Variants in DOCK4 observed in about 807,000 individuals in gnomAD.
DOCK4 encodes dedicator of cytokinesis 4.
DOCK4 carries 97 observed loss-of-function variants against 268.1 expected under a neutral mutation model. The ratio of observed to expected loss-of-function variants is 0.36; its 90% CI spans 0.31 to 0.43. The LOEUF (loss-of-function observed/expected upper bound fraction) is 0.43. Ranked by LOEUF, DOCK4 falls within the 20% of genes least tolerant of loss-of-function variation. DOCK4 has a pLI of 1.00. For synonymous variants in DOCK4, 954 were observed against 887.2 expected (o/e 1.08, Z -1.34); for missense variants, 2,145 against 2,455.7 (o/e 0.87, Z 2.67).
intron 1 of DOCK4, among the ~76,000 whole-genome samples, chr7:112,065,870 T>C (rs1806880237): frequency 6.6e-6 from 1 of 152,178 alleles, no homozygotes; most frequent in African/African-American, 2.4e-5. Flanking sequence ...CACCATTTGA[T>C]GTAATGCCAG....
chr7:111,960,924 A>T (rs1276625530), intron 8 of DOCK4, among the ~76,000 whole-genome samples: 1 of 152,110 alleles, frequency 6.6e-6, no homozygotes, highest in African/African-American at 2.4e-5. Context: ...TTATCCATTC[A>T]TCTGTTGATG....
chr7:111,910,664 A>G (rs1032463968), intron 13 of DOCK4, among the ~76,000 whole-genome samples: 5 of 152,210 alleles, frequency 3.3e-5, no homozygotes, highest in Non-Finnish European at 7.3e-5. Context: ...CGCTCAAATG[A>G]TGTTCCTACT....
At chr7:111,765,404 TC>T (rs1161763533) in intron 38 of DOCK4, among the ~76,000 whole-genome samples, 182 bp from the exon 39 acceptor site, 6 of 152,222 alleles carry the variant, frequency 3.9e-5, no homozygotes, top group Non-Finnish European at 5.9e-5. Flanking sequence ...TCTATAAATG[TC>T]CAGAGACTAT....
intron 1 of DOCK4, among the ~76,000 whole-genome samples, chr7:112,015,418 A>G (rs1433641882): frequency 6.6e-6 from 1 of 152,192 alleles, no homozygotes; most frequent in East Asian, 1.9e-4. Flanking sequence ...GCCAGCTAGC[A>G]GCCCTCAGGG....
chr7:111,746,224 T>C, intron 44 of DOCK4, 110 bp downstream of exon 44: 3 of 788,556 alleles, frequency 3.8e-6, no homozygotes, highest in Non-Finnish European at 6.1e-6. Flanking sequence ...TCACCCTTGC[T>C]TGCCAGCTTC....
chr7:111,929,712 A>G (rs73428860), intron 12 of DOCK4, among the ~76,000 whole-genome samples: 24,415 of 149,742 alleles, frequency 0.16, 2,285 homozygotes, highest in East Asian at 0.36. Context: ...CTCGCTATAT[A>G]TTGTGGTCTC....
intron 1 of DOCK4, among the ~76,000 whole-genome samples, chr7:112,189,928 G>A (rs1489343543): frequency 6.6e-6 from 1 of 151,986 alleles, no homozygotes; most frequent in African/African-American, 2.4e-5. Context: ...AGGACAAACA[G>A]AACCACAATG....
intron 1 of DOCK4, among the ~76,000 whole-genome samples, chr7:112,172,997 T>C (rs1023013533): frequency 1.3e-5 from 2 of 152,204 alleles, no homozygotes; most frequent in Non-Finnish European, 2.9e-5. Context: ...ATAAGCTTAA[T>C]CACGTCGTGT....
intron 1 of DOCK4, among the ~76,000 whole-genome samples, chr7:112,030,687 G>A (rs1193470101): frequency 1.3e-5 from 2 of 152,146 alleles, no homozygotes; most frequent in Non-Finnish European, 2.9e-5. Flanking sequence ...TGAGACAGAC[G>A]AAAGCCTAGA....
intron 27 of DOCK4, among the ~76,000 whole-genome samples, chr7:111,816,883 C>T (rs974880529): frequency 6.6e-6 from 1 of 152,140 alleles, no homozygotes; most frequent in African/African-American, 2.4e-5. Context: ...AAGTGGAGGG[C>T]ACAGAATCAG....
chr7:112,036,444 G>C (rs1164170141), intron 1 of DOCK4, among the ~76,000 whole-genome samples: 1 of 152,090 alleles, frequency 6.6e-6, no homozygotes, highest in Non-Finnish European at 1.5e-5. Flanking sequence ...GCAACATAAA[G>C]GGAGGTGGGA....
At chr7:111,960,096 T>C (rs1317336710) in intron 8 of DOCK4, among the ~76,000 whole-genome samples, 2 of 152,094 alleles carry the variant, frequency 1.3e-5, no homozygotes, top group Admixed American at 6.5e-5. Flanking sequence ...CTGGGTGCAG[T>C]GGCTCACGCC....
At chr7:111,906,650 T>A (rs771902162) in intron 13 of DOCK4, among the ~76,000 whole-genome samples, 2 of 151,986 alleles carry the variant, frequency 1.3e-5, no homozygotes, top group East Asian at 3.9e-4. Flanking sequence ...AAATTAATGA[T>A]CTTGAGATAG....
At chr7:111,859,154 G>A (rs1563602101) in intron 23 of DOCK4, among the ~76,000 whole-genome samples, 2 of 152,264 alleles carry the variant, frequency 1.3e-5, no homozygotes, top group South Asian at 4.1e-4. Flanking sequence ...GAGTAGCGGG[G>A]ACCACAGGTA....
At chr7:112,135,003 GTGTA>G (rs775039907) in intron 1 of DOCK4, among the ~76,000 whole-genome samples, 35 of 151,872 alleles carry the variant, frequency 2.3e-4, no homozygotes, top group Non-Finnish European at 4.1e-4. Flanking sequence ...GTGTGTGTGT[GTGTA>G]TATATATGTA....
chr7:111,741,499 G>C, intron 46 of DOCK4, 41 bp downstream of exon 46: 1 of 1,604,072 alleles, frequency 6.2e-7, no homozygotes, highest in Non-Finnish European at 8.5e-7. Context: ...ATCAGCTTGC[G>C]GGTGAGGCCA....
At chr7:111,774,153 A>C (rs546083403) in intron 36 of DOCK4, among the ~76,000 whole-genome samples, 16 of 152,306 alleles carry the variant, frequency 1.1e-4, no homozygotes, top group African/African-American at 2.9e-4. Context: ...AATAAAAAAC[A>C]GTTTGATAGG....
At chr7:111,839,038 A>G (rs1022379548) in intron 25 of DOCK4, among the ~76,000 whole-genome samples, 2 of 152,224 alleles carry the variant, frequency 1.3e-5, no homozygotes, top group Non-Finnish European at 2.9e-5. Context: ...TTATCTCTTA[A>G]GGTTCAGAAA....
At chr7:112,068,877 C>A (rs759207752) in intron 1 of DOCK4, among the ~76,000 whole-genome samples, 1 of 152,084 alleles carries the variant, frequency 6.6e-6, no homozygotes, top group Non-Finnish European at 1.5e-5. Flanking sequence ...AGTGCCTCAC[C>A]AGAGAATAAC....
Sources: allele counts gnomAD v4.1 joint callset (sites outside exome capture counted in the v4.1 genomes callset), GRCh38; gene constraint gnomAD v4.1.1; transcripts MANE v1.5; gene names NCBI Gene and HGNC (gene_info 2026-07-23, HGNC 2026-07-21).